Variants in ANKRD18A observed in about 807,000 individuals in gnomAD.
ANKRD18A encodes the protein ankyrin repeat domain 18A, also known as ankyrin repeat domain-containing protein 18A.
ANKRD18A carries 72 observed loss-of-function variants against 110.6 expected under a neutral mutation model. That is an observed-to-expected ratio of 0.65 (90% CI 0.54 to 0.79). The LOEUF (loss-of-function observed/expected upper bound fraction) is 0.79. Ranked by LOEUF, ANKRD18A falls within the 30% of genes least tolerant of loss-of-function variation. ANKRD18A has a pLI of 0.00. For synonymous variants in ANKRD18A, 305 were observed against 410.3 expected (o/e 0.74, Z 3.10); for missense variants, 934 against 1,163.3 (o/e 0.80, Z 2.87).
chr9:38,581,056 G>C (rs1341049077), intron 12 of ANKRD18A, among the ~76,000 whole-genome samples: 1 of 152,226 alleles, frequency 6.6e-6, no homozygotes, highest in Non-Finnish European at 1.5e-5. Flanking sequence ...GAGGGGAGCA[G>C]AGACAAGCTG....
Position 38,572,385 on chromosome 9 carries a change from A to G in ANKRD18A, c.2965-326T>C, listed in dbSNP as rs1823686067. Reference sequence around the variant, plus strand: ...GCTATAACCTAAAAGACCGGCAGGTAATGTCCATATAGAGTCATAGATACC... The same window carrying G: ...GCTATAACCTAAAAGACCGGCAGGTGATGTCCATATAGAGTCATAGATACC... On this transcript the variant is annotated intron_variant, in intron 15 of 15. Coordinates refer to ENST00000399703, the MANE Select transcript of ANKRD18A (RefSeq NM_147195.4). The G allele has an allele frequency of 2.5e-5, 5 of 201,738 alleles. No individual in the cohort carries two copies. In the South Asian group the frequency reaches 4.7e-4, roughly 19 times the overall value. 12.5% of individuals were successfully genotyped at this position (201,738 alleles called of 1,614,324 possible).
At chr9:38,579,513 G>A (rs1411258162) in intron 12 of ANKRD18A, among the ~76,000 whole-genome samples, 1 of 151,968 alleles carries the variant, frequency 6.6e-6, no homozygotes, top group Non-Finnish European at 1.5e-5. Flanking sequence ...GATCCGATTA[G>A]ATATTTCTCC....
intron 12 of ANKRD18A, among the ~76,000 whole-genome samples, chr9:38,584,349 T>C (rs1271099988): frequency 1.3e-5 from 2 of 152,202 alleles, no homozygotes; most frequent in East Asian, 1.9e-4. Context: ...CAGAGGCTTA[T>C]ATGCAAATCT....
chr9:38,567,307 G>A (rs1396539174), downstream of ANKRD18A: 1 of 152,202 alleles, frequency 6.6e-6, no homozygotes, highest in African/African-American at 2.4e-5. Context: ...CCAATACCTG[G>A]CACTATCTCT....
chr9:38,619,759 CTG>C (rs1826006912), intron 1 of ANKRD18A, among the ~76,000 whole-genome samples: 1 of 152,182 alleles, frequency 6.6e-6, no homozygotes, highest in African/African-American at 2.4e-5. Context: ...AGGGTTTTAT[CTG>C]AGAACTCTTC....
chr9:38,573,823 AT>A (rs1823765989), intron 15 of ANKRD18A, among the ~76,000 whole-genome samples: 1 of 152,046 alleles, frequency 6.6e-6, no homozygotes, highest in African/African-American at 2.4e-5. Flanking sequence ...AGTTTAATCC[AT>A]TTTTTACTTA....
chr9:38,610,818 C>T (rs910010885), intron 4 of ANKRD18A, among the ~76,000 whole-genome samples: 1 of 150,800 alleles, frequency 6.6e-6, no homozygotes, highest in Non-Finnish European at 1.5e-5. Context: ...GAGCTATCTG[C>T]AGGCTGAAAA....
At chr9:38,584,580 C>T (rs1369203579) in intron 12 of ANKRD18A, among the ~76,000 whole-genome samples, 1 of 151,978 alleles carries the variant, frequency 6.6e-6, no homozygotes, top group Non-Finnish European at 1.5e-5. Flanking sequence ...CCTGTTACAC[C>T]CCAAAATTTA....
At chr9:38,580,841 T>A (rs1259016124) in intron 12 of ANKRD18A, among the ~76,000 whole-genome samples, 1 of 151,028 alleles carries the variant, frequency 6.6e-6, no homozygotes, top group Non-Finnish European at 1.5e-5. Context: ...CCATGTAGCT[T>A]CCCTATCTCA....
intron 12 of ANKRD18A, among the ~76,000 whole-genome samples, chr9:38,578,503 A>G (rs1360560704): frequency 1.3e-5 from 2 of 152,200 alleles, no homozygotes; most frequent in Admixed American, 1.3e-4. Flanking sequence ...AAATTTGTCA[A>G]AAAAACTTTC....
intron 3 of ANKRD18A, among the ~76,000 whole-genome samples, chr9:38,612,420 T>A (rs1398534611): frequency 6.6e-6 from 1 of 151,778 alleles, no homozygotes; most frequent in Non-Finnish European, 1.5e-5. Context: ...AAATCAGAAA[T>A]AAAAATACAA....
intron 2 of ANKRD18A, 61 bp downstream of exon 2, chr9:38,615,869 T>C: frequency 6.6e-7 from 1 of 1,524,200 alleles, no homozygotes; most frequent in Non-Finnish European, 8.8e-7. Context: ...GACAAATTCA[T>C]TTTAATTCTA....
intron 5 of ANKRD18A, among the ~76,000 whole-genome samples, chr9:38,609,484 AAAAAC>A (rs527291218): frequency 0.025 from 3,774 of 152,020 alleles, 141 homozygotes; most frequent in African/African-American, 0.086. Context: ...CCGTCTCGAA[AAAAAC>A]AAAACAAAAC....
Position 38,616,013 on chromosome 9 carries a change from G to A in ANKRD18A, c.238C>T (p.Arg80Cys), listed in dbSNP as rs1388061883. Reference protein sequence around the residue: ...TVLHLACAHGRVQVVTLLLHR... With the variant: ...TVLHLACAHGCVQVVTLLLHR... ...AGCAAGAGAGTGACCACTTGCACACGGCCATGGGCACAGGCCAAATGTAGA... is the reference window on the plus strand; with the variant it reads ...AGCAAGAGAGTGACCACTTGCACACAGCCATGGGCACAGGCCAAATGTAGA... Residue 80 changes from arginine to cysteine, a missense_variant, in exon 2 of 16, where the codon CGT becomes TGT. Coordinates refer to ENST00000399703, the MANE Select transcript of ANKRD18A (RefSeq NM_147195.4). The A allele has an allele frequency of 3.1e-6, 5 of 1,593,068 alleles. No individual in the cohort carries two copies. Among genetic ancestry groups the A allele is most frequent in the East Asian group, 2.2e-5 (1 of 44,464 alleles).
chr9:38,596,183 C>T lies in ANKRD18A; in HGVS notation c.1157G>A (p.Arg386Gln), dbSNP rs546726195. ...CAGATCATTAAGCTGTTGCGAATAC[C>T]GGGCCACTGTTTTTGTTATCATTTT... ...NEKMITKTVA[R>Q]YSQQLNDLKA... The change falls in exon 9 of 16, where the codon CGG becomes CAG. Residue 386 changes from arginine to glutamine, a missense_variant. Arg to Gln is a conservative substitution (Grantham distance 43). Transcript: ENST00000399703. 67 of 1,541,216 alleles carry T rather than the reference C, an allele frequency of 4.3e-5. No individual in the cohort carries two copies. In the African/African-American group the frequency reaches 5.7e-4, roughly 13 times the overall value.
intron 9 of ANKRD18A, 133 bp from the exon 10 acceptor site, chr9:38,594,042 A>C: frequency 2.1e-6 from 2 of 960,432 alleles, no homozygotes; most frequent in Non-Finnish European, 2.9e-6. Flanking sequence ...TCATATGTAC[A>C]CTTTCTTCTT....
intron 6 of ANKRD18A, chr9:38,604,726 A>G (rs1438862731): frequency 1.3e-5 from 2 of 152,060 alleles, no homozygotes; most frequent in African/African-American, 4.9e-5. Flanking sequence ...GCTTGCCTTC[A>G]CTGACACGTA....
chr9:38,575,564 A>T lies in ANKRD18A; in HGVS notation c.2876T>A (p.Leu959His). ...PCVENLNSIE[L>H]NRKYIPKTAI... ...CGTTTTGGGAATATATTTTCTGTTGAGTTCTATACTATTAAGATTTTCAAC... is the reference window on the plus strand; with the variant it reads ...CGTTTTGGGAATATATTTTCTGTTGTGTTCTATACTATTAAGATTTTCAAC... Residue 959 changes from leucine to histidine, a missense_variant, in exon 15 of 16, where the codon CTC becomes CAC. Leu to His is a moderately conservative substitution (Grantham distance 99, BLOSUM62 -3). Transcript: ENST00000399703. 1 of 1,551,484 alleles carries T rather than the reference A, an allele frequency of 6.4e-7. No individual in the cohort carries two copies. The highest frequency in any genetic ancestry group is 8.7e-7 in the Non-Finnish European group (1 of 1,146,792).
At chr9:38,598,653 T>C (rs1417254602) in intron 8 of ANKRD18A, among the ~76,000 whole-genome samples, 3 of 152,236 alleles carry the variant, frequency 2.0e-5, no homozygotes, top group Non-Finnish European at 2.9e-5. Context: ...CATCACTATG[T>C]GGTGGAGAAT....
Sources: gnomAD v4.1 joint callset for allele counts (sites outside exome capture counted in the v4.1 genomes callset) on GRCh38, gnomAD v4.1.1 for gene constraint, MANE v1.5 for transcripts, NCBI Gene and HGNC (gene_info 2026-07-23, HGNC 2026-07-21) for gene names.